The following NUP62 variants were observed in gnomAD, a reference collection of about 807,000 sequenced individuals.
The protein encoded by NUP62 is nuclear pore glycoprotein p62.
For missense variants in NUP62, 647 were observed against 689.4 expected (o/e 0.94, Z 0.69); for synonymous variants, 305 against 303.4 (o/e 1.01, Z -0.05).
Position 49,908,293 on chromosome 19 carries a change from C to T in NUP62, c.1515G>A (p.Val505=). ...CCTGCTCCTTGCGCCGGCCCTCGCA[C>T]ACCTTGGTCACCTCCTCCACCTTCC... ...LQRKVEEVTK[V]CEGRRKEQER... is the part of the protein sequence containing the mutation. The change falls in exon 3 of 3, where the codon GTG becomes GTA. Residue 505 remains valine, a synonymous_variant. Coordinates refer to ENST00000352066, the MANE Select transcript of NUP62 (RefSeq NM_016553.5). 1.2e-6 allele frequency: 2 copies of T among 1,614,064 alleles called. No individual in the cohort carries two copies. The highest frequency in any genetic ancestry group is 1.7e-6 in the Non-Finnish European group (2 of 1,180,036).
chr19:49,919,013 T>C (rs1261553105), intron 2 of NUP62, among the ~76,000 whole-genome samples: 1 of 150,578 alleles, frequency 6.6e-6, no homozygotes, highest in Non-Finnish European at 1.5e-5. Context: ...ATTAGCCAGG[T>C]ATGGTGGTGC....
chr19:49,916,074 C>T (rs1231190545), intron 2 of NUP62, among the ~76,000 whole-genome samples: 1 of 152,254 alleles, frequency 6.6e-6, no homozygotes, highest in Non-Finnish European at 1.5e-5. Flanking sequence ...CACTGCACTG[C>T]AGCACACCGA....
intron 2 of NUP62, among the ~76,000 whole-genome samples, chr19:49,925,118 ATG>A (rs1443464984): frequency 6.6e-6 from 1 of 151,922 alleles, no homozygotes; most frequent in Non-Finnish European, 1.5e-5. Context: ...AAAATTAGCC[ATG>A]TGTGGTGACA....
intron 2 of NUP62, among the ~76,000 whole-genome samples, chr19:49,910,274 C>T (rs1046942601): frequency 3.9e-5 from 6 of 152,054 alleles, no homozygotes; most frequent in Admixed American, 3.9e-4. Context: ...GTGAGGTTCC[C>T]TGGCTGACTC....
At position 49,908,822 on chromosome 19, in the gene NUP62, G is replaced by A. The variant is rs775808802; in HGVS notation, c.986C>T (p.Thr329Ile). 3.7e-6 allele frequency: 6 copies of A among 1,613,384 alleles called. No homozygotes were observed. The highest frequency in any genetic ancestry group is 1.1e-5 in the South Asian group (1 of 91,090). The change falls in exon 3 of 3, where the codon ACC becomes ATC. Residue 329 changes from threonine (T) to isoleucine (I), a missense_variant. Physicochemically the swap from Thr to Ile is moderately conservative, Grantham distance 89. Coordinates refer to ENST00000352066, the MANE Select transcript of NUP62 (RefSeq NM_016553.5). The part of the protein sequence containing the change: ...AAGAAASSAM[T>I]YAQLESLINK... ...GATCAGGCTCTCCAGCTGCGCGTAG[G>A]TCATGGCGGAGCTGGCAGCCGCCCC... is the stretch of plus-strand genomic sequence containing the variant.
intron 2 of NUP62, among the ~76,000 whole-genome samples, chr19:49,912,513 A>G (rs1382333090): frequency 6.6e-6 from 1 of 152,112 alleles, no homozygotes; most frequent in African/African-American, 2.4e-5. Context: ...TCCAATACTC[A>G]GGTGCCAGGG....
intron 2 of NUP62, among the ~76,000 whole-genome samples, chr19:49,922,428 T>C (rs2075787105): frequency 6.6e-6 from 1 of 151,874 alleles, no homozygotes; most frequent in South Asian, 2.1e-4. Flanking sequence ...AGAAACACTG[T>C]CCTCCCCTCC....
At position 49,908,982 on chromosome 19, in the gene NUP62, T is replaced by C. The variant is rs774361345; in HGVS notation, c.826A>G (p.Thr276Ala). 12 of 1,608,324 alleles carry C rather than the reference T, an allele frequency of 7.5e-6. No homozygotes were observed. Among genetic ancestry groups the C allele is most frequent in the Admixed American group, 3.3e-5 (2 of 59,880 alleles). Reference protein sequence around the residue: ...GTSTTTSTAATATATTTSSSS... With the variant: ...GTSTTTSTAAAATATTTSSSS... ...CTGCTGGTGGTGGTGGCGGTGGCGG[T>C]GGCAGCGGTGGATGTTGTTGTGGAG... The change falls in exon 3 of 3, where the codon ACC (threonine) becomes GCC (alanine). Residue 276 changes from threonine (T) to alanine (A), a missense_variant. Transcript: ENST00000352066.
At chr19:49,916,855 A>G (rs111859357) in intron 2 of NUP62, among the ~76,000 whole-genome samples, 23,472 of 152,224 alleles carry the variant, frequency 0.15, 2,445 homozygotes, top group Non-Finnish European at 0.23. Flanking sequence ...CAGGAGTTTG[A>G]GGCTGCAGTG....
intron 2 of NUP62, chr19:49,911,491 T>G (rs1342624119): frequency 6.6e-6 from 1 of 152,226 alleles, no homozygotes; most frequent in East Asian, 1.9e-4. Flanking sequence ...AATTGCTTGG[T>G]GTCTGTCCTC....
At chr19:49,928,600 C>T (rs1431581906) in intron 1 of NUP62, 2 of 151,696 alleles carry the variant, frequency 1.3e-5, no homozygotes, top group East Asian at 3.9e-4. Context: ...TTATTTGAGT[C>T]TCATAAACCC....
chr19:49,924,245 C>T (rs764711673), intron 2 of NUP62, among the ~76,000 whole-genome samples: 1 of 152,148 alleles, frequency 6.6e-6, no homozygotes, highest in Non-Finnish European at 1.5e-5. Flanking sequence ...CTCGGGACCT[C>T]AGTCTTGACT....
Position 49,921,592 on chromosome 19 carries a change from G to C in NUP62, c.-78+6102C>G, listed in dbSNP as rs2075766578. On this transcript the variant is annotated intron_variant, in intron 2 of 2. Coordinates refer to ENST00000352066, the MANE Select transcript of NUP62 (RefSeq NM_016553.5). The surrounding 1 kb of genome is among the most constrained non-coding windows in gnomAD (Gnocchi z 5.4). ...GCTCTGTGGTAGGTCAGGAAGAAGAGGGCAAAGGAGTCTGCATCAAACTGG... is the reference window on the plus strand; with the variant it reads ...GCTCTGTGGTAGGTCAGGAAGAAGACGGCAAAGGAGTCTGCATCAAACTGG... Among the ~76,000 whole-genome samples, 1 of 152,202 alleles carries C rather than the reference G, an allele frequency of 6.6e-6. No individual in the cohort carries two copies.
At chr19:49,929,197 G>T in intron 1 of NUP62, 129 bp downstream of exon 1, 1 of 152,216 alleles carries the variant, frequency 6.6e-6, no homozygotes. Flanking sequence ...AGTCCCCGGG[G>T]CCGCCTCATT....
At chr19:49,919,164 A>G (rs2075703769) in intron 2 of NUP62, among the ~76,000 whole-genome samples, 1 of 152,158 alleles carries the variant, frequency 6.6e-6, no homozygotes, top group Admixed American at 6.5e-5. Flanking sequence ...AAAAAAACAA[A>G]CTAACTCATT....
chr19:49,918,190 C>G lies in NUP62; in HGVS notation c.-77-8306G>C, dbSNP rs143589382. The stretch of plus-strand genomic sequence containing the variant: ...CAAATGATTCTCCTGCCCTAGCCTC[C>G]CGTTAGCTGGGACTACAGGCATACG... On this transcript the variant is annotated intron_variant, in intron 2 of 2. Transcript: ENST00000352066. Among the ~76,000 whole-genome samples, 112 of 152,168 alleles carry G rather than the reference C, an allele frequency of 7.4e-4. 1 individual carries two copies. Among genetic ancestry groups the G allele is most frequent in the African/African-American group, 2.5e-3 (104 of 41,500 alleles).
chr19:49,924,199 T>C (rs1438512417), intron 2 of NUP62, among the ~76,000 whole-genome samples: 1 of 152,150 alleles, frequency 6.6e-6, no homozygotes, highest in African/African-American at 2.4e-5. Flanking sequence ...AGGTCCCATC[T>C]AACTGGCACT....
In NUP62 at chr19:49,906,840, A is replaced by C. The variant is rs1260859348; in HGVS notation, c.*1399T>G. ...ACAGCAGCTGTTTTGGTTTCACAAT[A>C]CATTTATTTAGAAAAGCAACATACA... On this transcript the variant is annotated 3_prime_UTR_variant, in exon 3 of 3. Coordinates refer to ENST00000352066, the MANE Select transcript of NUP62 (RefSeq NM_016553.5). The C allele has an allele frequency of 2.0e-5, 3 of 152,232 alleles. No individual in the cohort carries two copies. Among genetic ancestry groups the C allele is most frequent in the Non-Finnish European group, 4.4e-5 (3 of 68,046 alleles). The allele number at this position is 152,232 out of a possible 1,614,324, so 9.4% of individuals were successfully genotyped here. A position where few individuals can be genotyped will look rare whatever the true frequency, so the allele number is the denominator to read the frequency against.
At chr19:49,912,314 G>A (rs998044472) in intron 2 of NUP62, among the ~76,000 whole-genome samples, 2 of 152,070 alleles carry the variant, frequency 1.3e-5, no homozygotes, top group Middle Eastern at 3.4e-3. Flanking sequence ...GATTACAGGC[G>A]CATGCCACCA....
Sources: allele counts gnomAD v4.1 joint callset (sites outside exome capture counted in the v4.1 genomes callset), GRCh38; gene constraint gnomAD v4.1.1; non-coding constraint Gnocchi (gnomAD v3.1); transcripts MANE v1.5; gene names NCBI Gene and HGNC (gene_info 2026-07-23, HGNC 2026-07-21).